The following FIP1L1 variants were observed in gnomAD, a reference collection of about 807,000 sequenced individuals.
FIP1L1 encodes the protein factor interacting with PAPOLA and CPSF1, also known as pre-mRNA 3'-end-processing factor FIP1.
FIP1L1 carries 21 observed loss-of-function variants against 84.6 expected under a neutral mutation model. The observed-to-expected ratio is 0.25, with a 90% CI of 0.18 to 0.36. The LOEUF (loss-of-function observed/expected upper bound fraction) is 0.36. Among genes scored for constraint, FIP1L1 ranks in the 10% least tolerant of loss-of-function variants. The pLI is 1.00. For missense variants in FIP1L1, 526 were observed against 751.1 expected, an observed-to-expected ratio of 0.70 and a Z score of 3.50; for synonymous variants, 263 against 242.3, an observed-to-expected ratio of 1.09 and a Z score of -0.80.
chr4:53,390,815 C>T (rs1030225660), intron 7 of FIP1L1, among the ~76,000 whole-genome samples, 187 bp downstream of exon 7: 5 of 151,964 alleles, frequency 3.3e-5, no homozygotes, highest in Admixed American at 3.3e-4. Flanking sequence ...AAAATGTAGA[C>T]TTATTGTTTA....
At chr4:53,420,197 CAAAAAAAAAAAAAA>C (rs1166566869) in intron 11 of FIP1L1, among the ~76,000 whole-genome samples, 33 of 17,554 alleles carry the variant, frequency 1.9e-3, no homozygotes, top group Non-Finnish European at 2.6e-3. Flanking sequence ...GACTCCGTCT[CAAAAAAAAAAAAAA>C]AAAAAAAAAA....
At chr4:53,427,880 T>C (rs1311667920) in intron 12 of FIP1L1, 147 bp from the exon 13 acceptor site, 1 of 620,312 alleles carries the variant, frequency 1.6e-6, no homozygotes, top group Non-Finnish European at 2.7e-6. Context: ...ATCACACATG[T>C]AGAACTATTA....
At chr4:53,458,867 G>A in intron 17 of FIP1L1, 77 bp downstream of exon 17, 9 of 1,492,262 alleles carry the variant, frequency 6.0e-6, no homozygotes, top group Non-Finnish European at 8.1e-6. Context: ...TTGGAAGAGG[G>A]GAAATTTTGG....
At chr4:53,401,338 A>G (rs1318536422) in intron 10 of FIP1L1, among the ~76,000 whole-genome samples, 2 of 152,196 alleles carry the variant, frequency 1.3e-5, no homozygotes, top group African/African-American at 4.8e-5. Context: ...TTTTCCTATA[A>G]ATTAAATAAA....
chr4:53,413,400 G>A (rs887630476), intron 10 of FIP1L1, among the ~76,000 whole-genome samples: 2 of 152,046 alleles, frequency 1.3e-5, no homozygotes, highest in African/African-American at 4.8e-5. Flanking sequence ...TTTTCAAGAT[G>A]AAATTTCCAT....
chr4:53,442,530 T>C, intron 13 of FIP1L1, 123 bp from the exon 14 acceptor site: 1 of 658,254 alleles, frequency 1.5e-6, no homozygotes, highest in Non-Finnish European at 2.7e-6. Flanking sequence ...CTGTCCATTA[T>C]TACAACATAG....
intron 10 of FIP1L1, among the ~76,000 whole-genome samples, chr4:53,401,983 G>A (rs1750477862): frequency 6.6e-6 from 1 of 152,150 alleles, no homozygotes; most frequent in African/African-American, 2.4e-5. Context: ...ACAGCCTTGG[G>A]GCACTCCCTT....
At chr4:53,380,623 G>A (rs1737339473) in intron 3 of FIP1L1, among the ~76,000 whole-genome samples, 1 of 152,184 alleles carries the variant, frequency 6.6e-6, no homozygotes, top group Non-Finnish European at 1.5e-5. Context: ...AAATAGCTTA[G>A]GAGGAGCTGA....
At chr4:53,377,992 C>T in intron 1 of FIP1L1, 69 bp downstream of exon 1, 3 of 1,329,578 alleles carry the variant, frequency 2.3e-6, no homozygotes, top group East Asian at 2.8e-5. Flanking sequence ...AAACGGCCGG[C>T]GTCCCTGGCC....
chr4:53,431,284 C>T (rs1370996469), intron 13 of FIP1L1, among the ~76,000 whole-genome samples: 2 of 152,260 alleles, frequency 1.3e-5, no homozygotes, highest in East Asian at 3.9e-4. Context: ...CACATGATTA[C>T]ACTATGTTCC....
intron 9 of FIP1L1, among the ~76,000 whole-genome samples, chr4:53,395,032 G>A (rs1021817891): frequency 6.6e-6 from 1 of 152,058 alleles, no homozygotes; most frequent in African/African-American, 2.4e-5. Flanking sequence ...GTTTTGTTTG[G>A]ATTTGTCAGA....
chr4:53,411,617 A>T (rs1341376728), intron 10 of FIP1L1, among the ~76,000 whole-genome samples: 1 of 152,192 alleles, frequency 6.6e-6, no homozygotes, highest in African/African-American at 2.4e-5. Context: ...GATGTTTAAG[A>T]CTAATGAGCT....
At chr4:53,383,478 A>G (rs1739178620) in intron 4 of FIP1L1, among the ~76,000 whole-genome samples, 1 of 152,170 alleles carries the variant, frequency 6.6e-6, no homozygotes, top group Non-Finnish European at 1.5e-5. Context: ...CCTGGCCAAC[A>G]TGGTGAAACC....
chr4:53,399,955 CT>C, intron 10 of FIP1L1, 116 bp downstream of exon 10: 1 of 692,986 alleles, frequency 1.4e-6, no homozygotes, highest in Non-Finnish European at 2.4e-6. Flanking sequence ...GAACATTTTA[CT>C]TTGGTTTAGT....
chr4:53,401,985 C>G (rs1481628887), intron 10 of FIP1L1, among the ~76,000 whole-genome samples: 2 of 152,048 alleles, frequency 1.3e-5, no homozygotes, highest in African/African-American at 4.8e-5. Flanking sequence ...AGCCTTGGGG[C>G]ACTCCCTTGT....
At chr4:53,393,764 G>GCCCCCC (rs35029503) in intron 9 of FIP1L1, among the ~76,000 whole-genome samples, 7 of 87,986 alleles carry the variant, frequency 8.0e-5, no homozygotes, top group African/African-American at 2.4e-4. Flanking sequence ...TTTCCCCCCG[G>GCCCCCC]CCCCCCCCCC....
intron 10 of FIP1L1, among the ~76,000 whole-genome samples, chr4:53,407,265 T>G (rs1218521129): frequency 1.3e-5 from 2 of 152,212 alleles, no homozygotes; most frequent in Non-Finnish European, 2.9e-5. Flanking sequence ...ATTTCATTAT[T>G]TACCCAGTAG....
intron 3 of FIP1L1, 134 bp downstream of exon 3, chr4:53,379,398 A>T: frequency 1.3e-6 from 1 of 790,562 alleles, no homozygotes; most frequent in Non-Finnish European, 2.1e-6. Context: ...AGGACATTGA[A>T]TCCTTTAAGG....
At position 53,443,134 on chromosome 4, in the gene FIP1L1, A is replaced by G. The variant is rs116479921; in HGVS notation, c.1229+427A>G. Reference sequence around the variant, plus strand: ...TCCTTGATACACCATCTCAGCTTCCACAAAGAAGGATTAGATCCATTCTGT... The same window carrying G: ...TCCTTGATACACCATCTCAGCTTCCGCAAAGAAGGATTAGATCCATTCTGT... On this transcript the variant is annotated intron_variant, in intron 14 of 17. Transcript: ENST00000337488. Among the ~76,000 whole-genome samples, 1,433 of 152,258 alleles carry G rather than the reference A, an allele frequency of 9.4e-3. 21 individuals are homozygous for G. Among genetic ancestry groups the G allele is most frequent in the African/African-American group, 0.033 (1,369 of 41,560 alleles).
Sources: gnomAD v4.1 joint callset for allele counts (sites outside exome capture counted in the v4.1 genomes callset) on GRCh38, gnomAD v4.1.1 for gene constraint, MANE v1.5 for transcripts, NCBI Gene and HGNC (gene_info 2026-07-23, HGNC 2026-07-21) for gene names.